The following KLHL1 variants were observed in gnomAD, a reference collection of about 807,000 sequenced individuals.
KLHL1 encodes the protein kelch-like protein 1.
Under a neutral mutation model 77.7 loss-of-function variants are expected in KLHL1, and 47 were observed. The ratio of observed to expected loss-of-function variants is 0.60; its 90% CI spans 0.48 to 0.77. The LOEUF (loss-of-function observed/expected upper bound fraction) is 0.77. Among genes scored for constraint, KLHL1 ranks in the 30% least tolerant of loss-of-function variants. The pLI is 0.00. For synonymous variants in KLHL1, 360 were observed against 325.2 expected (o/e 1.11, Z -1.15); for missense variants, 925 against 910.8 (o/e 1.02, Z -0.20).
chr13:69,966,907 T>C lies in KLHL1; in HGVS notation c.681-5463A>G, dbSNP rs147137581. Among the ~76,000 whole-genome samples the C allele has an allele frequency of 5.6e-3, 853 of 152,308 alleles. 8 individuals are homozygous for C. The highest frequency in any genetic ancestry group is 0.019 in the South Asian group (90 of 4,824). On this transcript the variant is annotated intron_variant, in intron 2 of 10. Transcript: ENST00000377844. ...GCTTGTTTCACTTAAGAAAATGACC[T>C]CTAAGTCCATCCATGTGACCATGAA...
rs200339697 is a variant in KLHL1, at chr13:69,840,698, ATATGTATGTATG to A, written c.1228-1548_1228-1537del. On this transcript the variant is annotated intron_variant, in intron 5 of 10. Coordinates refer to ENST00000377844, the MANE Select transcript of KLHL1 (RefSeq NM_020866.3). ...GAACATTAACTTTATATATATATAT[ATATGTATGTATG>A]TATGTATGTATGTATGTATGTATGT... Among the ~76,000 whole-genome samples, 104 of 146,340 alleles carry A rather than the reference ATATGTATGTATG, an allele frequency of 7.1e-4. 3 individuals are homozygous for A. The highest frequency in any genetic ancestry group is 2.4e-3 in the East Asian group (12 of 5,100).
At chr13:69,795,202 G>C (rs1447956869) in intron 7 of KLHL1, among the ~76,000 whole-genome samples, 3 of 152,112 alleles carry the variant, frequency 2.0e-5, no homozygotes, top group Admixed American at 1.3e-4. Flanking sequence ...TCTTCTACAA[G>C]GGCATTGTCA....
At chr13:69,799,434 G>C (rs920943950) in intron 6 of KLHL1, among the ~76,000 whole-genome samples, 44 of 152,204 alleles carry the variant, frequency 2.9e-4, no homozygotes, top group African/African-American at 8.9e-4. Context: ...AAATGAGCTA[G>C]ATAAGTCTTA....
chr13:70,099,054 A>C (rs1338009364), intron 1 of KLHL1, among the ~76,000 whole-genome samples: 1 of 151,964 alleles, frequency 6.6e-6, no homozygotes, highest in East Asian at 1.9e-4. Context: ...TGTCAAGAAC[A>C]CAGAAAACGG....
intron 5 of KLHL1, among the ~76,000 whole-genome samples, chr13:69,847,648 C>T (rs1298928923): frequency 1.3e-5 from 2 of 151,502 alleles, no homozygotes; most frequent in South Asian, 2.1e-4. Flanking sequence ...TATGAAAACA[C>T]TCTCACATTC....
intron 9 of KLHL1, among the ~76,000 whole-genome samples, chr13:69,717,036 C>A (rs1273303175): frequency 6.6e-6 from 1 of 152,058 alleles, no homozygotes; most frequent in Admixed American, 6.6e-5. Flanking sequence ...CTGCCTTCTA[C>A]CTTCTCTGAT....
chr13:69,793,404 C>T (rs1456400946), intron 7 of KLHL1, among the ~76,000 whole-genome samples: 1 of 151,760 alleles, frequency 6.6e-6, no homozygotes, highest in Non-Finnish European at 1.5e-5. Context: ...CTTTATCCAG[C>T]AGAATGATCA....
At chr13:69,782,169 T>C (rs1593825421) in intron 7 of KLHL1, among the ~76,000 whole-genome samples, 1 of 152,192 alleles carries the variant, frequency 6.6e-6, no homozygotes, top group African/African-American at 2.4e-5. Flanking sequence ...AAAGAAAATA[T>C]AGTATTGGCT....
intron 1 of KLHL1, among the ~76,000 whole-genome samples, chr13:70,091,541 A>G (rs957258643): frequency 9.2e-5 from 14 of 152,130 alleles, no homozygotes; most frequent in Non-Finnish European, 1.6e-4. Context: ...CAAAATTTTC[A>G]ATTGTGAAGT....
At chr13:69,759,104 C>A (rs145702222) in intron 7 of KLHL1, among the ~76,000 whole-genome samples, 93 of 152,080 alleles carry the variant, frequency 6.1e-4, no homozygotes, top group African/African-American at 2.2e-3. Flanking sequence ...AGCAGGGAGG[C>A]AAATCTGGGC....
intron 4 of KLHL1, among the ~76,000 whole-genome samples, chr13:69,891,846 C>G (rs893734954): frequency 6.6e-6 from 1 of 151,790 alleles, no homozygotes; most frequent in Non-Finnish European, 1.5e-5. Flanking sequence ...ATATGTGATA[C>G]CTATTGTCTA....
At chr13:70,053,323 T>C (rs1886673317) in intron 1 of KLHL1, among the ~76,000 whole-genome samples, 1 of 152,032 alleles carries the variant, frequency 6.6e-6, no homozygotes, top group Non-Finnish European at 1.5e-5. Flanking sequence ...AAAGATAAGT[T>C]AGGGCCAGAT....
chr13:70,027,582 A>G lies in KLHL1; in HGVS notation c.498-51780T>C, dbSNP rs1305591022. ...TTGATATTGCTTTTCTACCATGACA[A>G]TTACCACCCTCTCAAATGTCCTTTA... On this transcript the variant is annotated intron_variant, in intron 1 of 10. Transcript: ENST00000377844. 1.3e-5 allele frequency among the ~76,000 whole-genome samples: 2 copies of G among 151,546 alleles called. 1 individual carries two copies. The highest frequency in any genetic ancestry group is 2.9e-5 in the Non-Finnish European group (2 of 67,906).
At chr13:70,015,394 A>G (rs1596073) in intron 1 of KLHL1, among the ~76,000 whole-genome samples, 81,936 of 152,066 alleles carry the variant, frequency 0.54, 22,295 homozygotes, top group Non-Finnish European at 0.57. Context: ...TTATGTGACC[A>G]CCATCACCTA....
At chr13:69,864,547 T>C (rs553130568) in intron 5 of KLHL1, among the ~76,000 whole-genome samples, 1 of 152,250 alleles carries the variant, frequency 6.6e-6, no homozygotes, top group Middle Eastern at 3.4e-3. Context: ...GTTTTTTCAA[T>C]ATTTTATATA....
intron 8 of KLHL1, among the ~76,000 whole-genome samples, chr13:69,720,622 T>C (rs1052636094): frequency 3.9e-5 from 6 of 151,992 alleles, no homozygotes; most frequent in African/African-American, 1.4e-4. Flanking sequence ...AGATTGTGGA[T>C]ACAATTTAAA....
Position 70,101,382 on chromosome 13 carries a change from G to C in KLHL1, c.497+5821C>G, listed in dbSNP as rs147631645. 1.8e-3 allele frequency among the ~76,000 whole-genome samples: 266 copies of C among 151,976 alleles called. 1 individual carries two copies. Among genetic ancestry groups the C allele is most frequent in the African/African-American group, 6.2e-3 (259 of 41,466 alleles). Reference sequence around the variant, plus strand: ...GTTTATACTACCTTTCTTACAAGTAGTTCTGGAGTTTTGGGTACCTGAAAA... The same window carrying C: ...GTTTATACTACCTTTCTTACAAGTACTTCTGGAGTTTTGGGTACCTGAAAA... On this transcript the variant is annotated intron_variant, in intron 1 of 10. Transcript: ENST00000377844.
chr13:69,903,804 G>A (rs887184291), intron 4 of KLHL1, among the ~76,000 whole-genome samples: 1 of 151,500 alleles, frequency 6.6e-6, no homozygotes, highest in African/African-American at 2.4e-5. Flanking sequence ...ACCATGCCCA[G>A]CTAATTTTTG....
intron 1 of KLHL1, among the ~76,000 whole-genome samples, chr13:70,044,484 A>G (rs1566527810): frequency 6.6e-6 from 1 of 152,196 alleles, no homozygotes; most frequent in African/African-American, 2.4e-5. Flanking sequence ...TAAATAAACA[A>G]GTTTACATGA....
Sources: allele counts gnomAD v4.1 joint callset (sites outside exome capture counted in the v4.1 genomes callset), GRCh38; gene constraint gnomAD v4.1.1; transcripts MANE v1.5; gene names NCBI Gene and HGNC (gene_info 2026-07-23, HGNC 2026-07-21).